The following ERO1A variants were observed in gnomAD, a reference collection of about 807,000 sequenced individuals.
ERO1A encodes the protein endoplasmic reticulum oxidoreductase 1 alpha.
ERO1A carries 49 observed loss-of-function variants against 76.9 expected under a neutral mutation model. The observed-to-expected ratio is 0.64, with a 90% CI of 0.51 to 0.81. The LOEUF (loss-of-function observed/expected upper bound fraction) is 0.81. ERO1A is among the 30% of genes least tolerant of loss of function. The probability of loss-of-function intolerance (pLI) is 0.00; values close to 1 mark genes in which losing one functional copy is unlikely to be tolerated. For synonymous variants in ERO1A, 174 were observed against 181.2 expected, an observed-to-expected ratio of 0.96 and a Z score of 0.32; for missense variants, 448 against 542.1, an observed-to-expected ratio of 0.83 and a Z score of 1.72.
At position 52,653,140 on chromosome 14, in the gene ERO1A, T is replaced by C. The variant is rs748551230; in HGVS notation, c.984A>G (p.Gln328=). The change falls in exon 12 of 16, where the codon CAA becomes CAG. Residue 328 remains glutamine, a synonymous_variant. Coordinates refer to ENST00000395686, the MANE Select transcript of ERO1A (RefSeq NM_014584.3). ...CCTGAATTTTATTTCCAGTAAAGAG[T>C]TGAAAATCTGGGCGCTCGAAGAATG... The part of the protein sequence containing the change: ...VLPFFERPDF[Q]LFTGNKIQDE... 47 of 1,611,618 alleles carry C rather than the reference T, an allele frequency of 2.9e-5. No homozygotes were observed. Among genetic ancestry groups the C allele is most frequent in the Non-Finnish European group, 3.8e-5 (45 of 1,177,976 alleles).
intron 11 of ERO1A, among the ~76,000 whole-genome samples, chr14:52,655,810 T>C (rs1445207435): frequency 2.0e-5 from 3 of 152,216 alleles, no homozygotes; most frequent in Non-Finnish European, 4.4e-5. Context: ...AACTTGTTTA[T>C]TGTGTTCACA....
intron 13 of ERO1A, among the ~76,000 whole-genome samples, chr14:52,649,938 T>C (rs1197757787): frequency 3.6e-4 from 55 of 152,094 alleles, no homozygotes; most frequent in Admixed American, 3.6e-3. Flanking sequence ...TCAGGCTGGG[T>C]ATGGTGGTGG....
chr14:52,641,445 C>CA lies in ERO1A; in HGVS notation c.*2124dup, dbSNP rs1218261101. ...TGAAACACTGCCTCTACTAAAAATA[C>CA]AAAAAAAAAAAAAAAAAAATTAGCC... On this transcript the variant is annotated 3_prime_UTR_variant, in exon 16 of 16. Coordinates refer to ENST00000395686, the MANE Select transcript of ERO1A (RefSeq NM_014584.3). The CA allele has an allele frequency of 0.32, 24,282 of 74,824 alleles. 2,606 individuals carry two copies. Among genetic ancestry groups the CA allele is most frequent in the South Asian group, 0.49 (1,375 of 2,822 alleles). The allele number at this position is 74,824 out of a possible 1,614,324, so 4.6% of individuals were successfully genotyped here.
intron 13 of ERO1A, among the ~76,000 whole-genome samples, chr14:52,650,490 TAAA>T (rs34931114): frequency 7.0e-6 from 1 of 142,652 alleles, no homozygotes; most frequent in Non-Finnish European, 1.5e-5. Context: ...TAAACCTACT[TAAA>T]AAAAAAAAAA....
chr14:52,679,307 C>G (rs1447187623), intron 3 of ERO1A, among the ~76,000 whole-genome samples: 1 of 152,226 alleles, frequency 6.6e-6, no homozygotes, highest in East Asian at 1.9e-4. Flanking sequence ...CCCCACAATA[C>G]TGCCAGTTAA....
intron 9 of ERO1A, among the ~76,000 whole-genome samples, chr14:52,659,423 G>C (rs2040158439): frequency 6.6e-6 from 1 of 152,134 alleles, no homozygotes. Flanking sequence ...TGTTAGCAGA[G>C]AAGCGTATCT....
intron 3 of ERO1A, 108 bp from the exon 4 acceptor site, chr14:52,678,580 G>T: frequency 1.0e-6 from 1 of 1,001,358 alleles, no homozygotes; most frequent in Non-Finnish European, 1.5e-6. Context: ...AATTATCGAA[G>T]TTGGATTTTT....
chr14:52,695,273 G>A (rs1290118204), intron 1 of ERO1A, 95 bp downstream of exon 1: 2 of 790,912 alleles, frequency 2.5e-6, no homozygotes, highest in African/African-American at 3.6e-5. Flanking sequence ...GAGATGCAAG[G>A]ACGCACCCCC....
At chr14:52,657,886 G>A (rs917339469) in intron 11 of ERO1A, 31 bp downstream of exon 11, 6 of 1,443,956 alleles carry the variant, frequency 4.2e-6, no homozygotes, top group South Asian at 1.2e-5. Flanking sequence ...AATTAAGAGT[G>A]GTAGACTGAA....
chr14:52,684,150 C>CACCCACAG (rs879218530), intron 1 of ERO1A, among the ~76,000 whole-genome samples: 1 of 139,278 alleles, frequency 7.2e-6, no homozygotes, highest in Non-Finnish European at 1.6e-5. Flanking sequence ...CACACACACA[C>CACCCACAG]AGAGAGAGTT....
chr14:52,684,527 G>C (rs961426195), intron 1 of ERO1A, among the ~76,000 whole-genome samples: 1 of 152,084 alleles, frequency 6.6e-6, no homozygotes, highest in African/African-American at 2.4e-5. Flanking sequence ...CCTTCCTGAG[G>C]CACAGCTGCA....
intron 1 of ERO1A, among the ~76,000 whole-genome samples, chr14:52,686,664 T>A (rs1198372908): frequency 6.6e-6 from 1 of 151,908 alleles, no homozygotes; most frequent in Non-Finnish European, 1.5e-5. Flanking sequence ...GATCACAAGG[T>A]CAAGAGATTG....
At chr14:52,682,670 G>C (rs1397734121) in intron 2 of ERO1A, among the ~76,000 whole-genome samples, 1 of 151,666 alleles carries the variant, frequency 6.6e-6, no homozygotes, top group South Asian at 2.1e-4. Context: ...AGGCCGAGGG[G>C]GGCGGATCAC....
chr14:52,693,002 CTT>C (rs559143853), intron 1 of ERO1A, among the ~76,000 whole-genome samples: 6,220 of 85,090 alleles, frequency 0.073, 33 homozygotes, highest in South Asian at 0.16. Context: ...AAATAGACAA[CTT>C]TTTTTTTTTT....
chr14:52,660,842 T>C (rs1483939077), intron 9 of ERO1A, among the ~76,000 whole-genome samples: 1 of 152,228 alleles, frequency 6.6e-6, no homozygotes. Flanking sequence ...ATGCTGAAAC[T>C]GTTAGCATTA....
At chr14:52,644,489 G>C (rs1266305032) in intron 15 of ERO1A, among the ~76,000 whole-genome samples, 1 of 151,972 alleles carries the variant, frequency 6.6e-6, no homozygotes. Flanking sequence ...GCATTCATAA[G>C]TATACTCCCT....
chr14:52,661,468 A>C (rs2040231476), intron 8 of ERO1A, among the ~76,000 whole-genome samples, 164 bp from the exon 9 acceptor site: 1 of 152,188 alleles, frequency 6.6e-6, no homozygotes, highest in Non-Finnish European at 1.5e-5. Flanking sequence ...CTGCAACTCT[A>C]TCTGGTAGTG....
At chr14:52,692,896 G>C (rs1003681611) in intron 1 of ERO1A, among the ~76,000 whole-genome samples, 1 of 150,564 alleles carries the variant, frequency 6.6e-6, no homozygotes, top group African/African-American at 2.5e-5. Flanking sequence ...CTATTCATCA[G>C]TGCCACCTCT....
intron 3 of ERO1A, 36 bp downstream of exon 3, chr14:52,682,289 C>T (rs1238262675): frequency 7.0e-7 from 1 of 1,427,554 alleles, no homozygotes; most frequent in Non-Finnish European, 9.6e-7. Context: ...AATGAAAAAA[C>T]ATGTAACAGT....
Sources: gnomAD v4.1 joint callset for allele counts (sites outside exome capture counted in the v4.1 genomes callset) on GRCh38, gnomAD v4.1.1 for gene constraint, MANE v1.5 for transcripts, NCBI Gene and HGNC (gene_info 2026-07-23, HGNC 2026-07-21) for gene names.